ZMAT4: variants seen among roughly 807,000 people sequenced by gnomAD.
ZMAT4 encodes zinc finger matrin-type protein 4.
A neutral mutation model predicts 28.7 loss-of-function variants in ZMAT4; 17 were observed. The ratio of observed to expected loss-of-function variants is 0.59; its 90% CI spans 0.41 to 0.89. ZMAT4 has a LOEUF of 0.89. Among genes scored for constraint, ZMAT4 ranks in the 40% least tolerant of loss-of-function variants. ZMAT4 has a pLI of 0.00. For synonymous variants in ZMAT4, 117 were observed against 109.2 expected (o/e 1.07, Z -0.44); for missense variants, 240 against 283.8 (o/e 0.85, Z 1.11).
intron 6 of ZMAT4, among the ~76,000 whole-genome samples, chr8:40,551,552 A>C (rs1480603827): frequency 1.3e-5 from 2 of 152,184 alleles, no homozygotes; most frequent in African/African-American, 2.4e-5. Flanking sequence ...AAGGTAGATG[A>C]TTTGTGTTGG....
intron 5 of ZMAT4, among the ~76,000 whole-genome samples, chr8:40,603,849 C>T (rs945940847): frequency 1.3e-5 from 2 of 152,146 alleles, no homozygotes; most frequent in African/African-American, 4.8e-5. Context: ...CCAGGATGGT[C>T]TCAATCTCCT....
At chr8:40,562,333 A>G (rs2118473339) in intron 6 of ZMAT4, among the ~76,000 whole-genome samples, 1 of 152,184 alleles carries the variant, frequency 6.6e-6, no homozygotes, top group East Asian at 1.9e-4. Context: ...TCCCATCATC[A>G]ATGATTATCA....
intron 3 of ZMAT4, among the ~76,000 whole-genome samples, chr8:40,708,482 G>C (rs1268026761): frequency 6.6e-6 from 1 of 152,034 alleles, no homozygotes; most frequent in Non-Finnish European, 1.5e-5. Context: ...AGACAAATGT[G>C]GGGGAGAGTG....
At chr8:40,713,939 A>T (rs1003344095) in intron 3 of ZMAT4, among the ~76,000 whole-genome samples, 37 of 149,160 alleles carry the variant, frequency 2.5e-4, no homozygotes, top group African/African-American at 8.1e-4. Context: ...AAAAAAAAAA[A>T]GAAAAAGAAA....
At position 40,881,578 on chromosome 8, in the gene ZMAT4, GAAAGAAAGAAAGAAAGAAAGA is replaced by G. The variant is rs879845153; in HGVS notation, c.-5+16084_-5+16104del. Among the ~76,000 whole-genome samples, 164 of 106,030 alleles carry G rather than the reference GAAAGAAAGAAAGAAAGAAAGA, an allele frequency of 1.5e-3. 4 individuals are homozygous for G. The highest frequency in any genetic ancestry group is 2.0e-3 in the Non-Finnish European group (100 of 50,516). 69.6% of individuals were successfully genotyped at this position (106,030 alleles called of 152,430 possible). A position where few individuals can be genotyped will look rare whatever the true frequency, so the allele number is the denominator to read the frequency against. On this transcript the variant is annotated intron_variant, in intron 1 of 6. Transcript: ENST00000297737. ...AGAAAGAAAGAAAGAAAGAAAGAAAGAAAGAAAGAAAGAAAGAAAGAAAAGAAAAGAAAAGAGAGAGAGAAA... is the reference window on the plus strand; with the variant it reads ...AGAAAGAAAGAAAGAAAGAAAGAAAGAAAGAAAAGAAAAGAGAGAGAGAAA...
chr8:40,809,150 C>G (rs898654302), intron 2 of ZMAT4, among the ~76,000 whole-genome samples: 1 of 152,184 alleles, frequency 6.6e-6, no homozygotes, highest in Admixed American at 6.5e-5. Context: ...GTGTCCTTTG[C>G]AGAAACATGA....
chr8:40,669,072 A>G (rs1228595640), intron 5 of ZMAT4, among the ~76,000 whole-genome samples: 1 of 152,190 alleles, frequency 6.6e-6, no homozygotes, highest in Non-Finnish European at 1.5e-5. Context: ...ACTATGGAAG[A>G]GAACTCTGAT....
At chr8:40,735,387 C>G (rs185195170) in intron 3 of ZMAT4, among the ~76,000 whole-genome samples, 1 of 152,258 alleles carries the variant, frequency 6.6e-6, no homozygotes, top group South Asian at 2.1e-4. Context: ...ATGTTCTATA[C>G]GTTTTGTAAG....
intron 5 of ZMAT4, among the ~76,000 whole-genome samples, chr8:40,620,216 C>A (rs1806146251): frequency 6.6e-6 from 1 of 152,196 alleles, no homozygotes; most frequent in South Asian, 2.1e-4. Context: ...TTACCTCTGC[C>A]ACTGTGGATC....
intron 1 of ZMAT4, among the ~76,000 whole-genome samples, chr8:40,831,469 C>T (rs146522090): frequency 1.9e-3 from 284 of 152,286 alleles, no homozygotes; most frequent in African/African-American, 6.5e-3. Context: ...CAGCACTCAC[C>T]GTGGCAGTCC....
chr8:40,837,783 T>G lies in ZMAT4; in HGVS notation c.-4-12103A>C, dbSNP rs1266085877. Among the ~76,000 whole-genome samples, 62 of 152,150 alleles carry G rather than the reference T, an allele frequency of 4.1e-4. 1 individual carries two copies. Among genetic ancestry groups the G allele is most frequent in the Non-Finnish European group, 1.5e-5 (1 of 68,020 alleles). On this transcript the variant is annotated intron_variant, in intron 1 of 6. Coordinates refer to ENST00000297737, the MANE Select transcript of ZMAT4 (RefSeq NM_024645.3). ...AAGCAACTCGTGGGAAAGCAGAGTA[T>G]CATCGCAGGACAAGGCGTGTGTCCT...
intron 5 of ZMAT4, among the ~76,000 whole-genome samples, chr8:40,619,015 T>A (rs1585767969): frequency 6.6e-6 from 1 of 152,200 alleles, no homozygotes; most frequent in East Asian, 1.9e-4. Flanking sequence ...GTAAAGGAGT[T>A]AATGTTTTGG....
intron 5 of ZMAT4, among the ~76,000 whole-genome samples, chr8:40,597,902 A>G (rs1278254912): frequency 6.6e-6 from 1 of 152,176 alleles, no homozygotes; most frequent in East Asian, 1.9e-4. Flanking sequence ...TATTATTTGA[A>G]TTTCATGACA....
At chr8:40,781,993 G>A (rs1314073456) in intron 2 of ZMAT4, among the ~76,000 whole-genome samples, 1 of 152,084 alleles carries the variant, frequency 6.6e-6, no homozygotes, top group Non-Finnish European at 1.5e-5. Flanking sequence ...AAAAGCCTTT[G>A]AATATTTGTA....
intron 3 of ZMAT4, among the ~76,000 whole-genome samples, chr8:40,756,357 C>T (rs529629902): frequency 3.7e-4 from 54 of 145,254 alleles, no homozygotes; most frequent in Non-Finnish European, 7.3e-4. Flanking sequence ...AGAAACACAG[C>T]AACACTTATC....
chr8:40,724,051 T>A (rs1268013462), intron 3 of ZMAT4, among the ~76,000 whole-genome samples: 3 of 152,196 alleles, frequency 2.0e-5, no homozygotes, highest in Non-Finnish European at 4.4e-5. Context: ...GCTTAGTTTA[T>A]GTGAGGTTTT....
At chr8:40,851,770 T>C (rs541374336) in intron 1 of ZMAT4, among the ~76,000 whole-genome samples, 1 of 152,356 alleles carries the variant, frequency 6.6e-6, no homozygotes, top group South Asian at 2.1e-4. Context: ...TGTTTGAAGC[T>C]ATACAATATA....
chr8:40,541,109 T>C (rs976760124), intron 6 of ZMAT4, among the ~76,000 whole-genome samples: 1 of 152,214 alleles, frequency 6.6e-6, no homozygotes, highest in Non-Finnish European at 1.5e-5. Flanking sequence ...TGAATTAATA[T>C]ATGGAAGTAT....
At position 40,532,128 on chromosome 8, in the gene ZMAT4, G is replaced by T. The variant is rs1802709094; in HGVS notation, c.*95C>A. 1 of 1,202,796 alleles carries T rather than the reference G, an allele frequency of 8.3e-7. No homozygotes were observed. Among genetic ancestry groups the T allele is most frequent in the Non-Finnish European group, 1.1e-6 (1 of 878,864 alleles). The allele number at this position is 1,202,796 out of a possible 1,614,324, so 74.5% of individuals were successfully genotyped here. A position where few individuals can be genotyped will look rare whatever the true frequency, so the allele number is the denominator to read the frequency against. ...TGAATCCTTATAAGAAATGTTTATT[G>T]TTCAAGAAAGAAGCCTCCTCTGGTG... On this transcript the variant is annotated 3_prime_UTR_variant, in exon 7 of 7. Transcript: ENST00000297737.
Sources: allele counts gnomAD v4.1 joint callset (sites outside exome capture counted in the v4.1 genomes callset), GRCh38; gene constraint gnomAD v4.1.1; transcripts MANE v1.5; gene names NCBI Gene and HGNC (gene_info 2026-07-23, HGNC 2026-07-21).